Variants in CDH4 observed in about 807,000 individuals in gnomAD.
CDH4 encodes the protein cadherin-4.
In CDH4, 33 loss-of-function variants were observed where a neutral mutation model predicts 86.0. The observed-to-expected ratio is 0.38, with a 90% CI of 0.29 to 0.51. CDH4 has a LOEUF of 0.51. CDH4 is among the 20% of genes least tolerant of loss of function. CDH4 has a pLI of 0.86. For missense variants in CDH4, 1,114 were observed against 1,307.4 expected (o/e 0.85, Z 2.28); for synonymous variants, 555 against 549.4 (o/e 1.01, Z -0.14).
chr20:61,531,849 G>A (rs368962856), intron 2 of CDH4, among the ~76,000 whole-genome samples: 8 of 152,232 alleles, frequency 5.3e-5, no homozygotes, highest in African/African-American at 1.4e-4. Flanking sequence ...GACCAACACC[G>A]GTTGGGGAAG....
intron 2 of CDH4, 91 bp downstream of exon 2, chr20:61,255,028 C>T: frequency 1.3e-6 from 1 of 789,344 alleles, no homozygotes; most frequent in Non-Finnish European, 2.2e-6. Context: ...CTTGCCTCAT[C>T]TTTGTGCTCT....
chr20:61,279,884 T>C (rs1344928661), intron 2 of CDH4, among the ~76,000 whole-genome samples: 1 of 152,188 alleles, frequency 6.6e-6, no homozygotes, highest in Non-Finnish European at 1.5e-5. Flanking sequence ...TCTGTGAGCC[T>C]GCCCTGCTTG....
At chr20:61,453,391 G>C (rs2085390634) in intron 2 of CDH4, among the ~76,000 whole-genome samples, 1 of 152,202 alleles carries the variant, frequency 6.6e-6, no homozygotes, top group African/African-American at 2.4e-5. Context: ...GGGTTCGCAT[G>C]TGTGGAATCC....
At chr20:61,511,725 G>GAGAGC (rs1430686980) in intron 2 of CDH4, among the ~76,000 whole-genome samples, 1 of 152,240 alleles carries the variant, frequency 6.6e-6, no homozygotes, top group African/African-American at 2.4e-5. Context: ...AGAGGTTTAA[G>GAGAGC]AGAGCTTGGA....
intron 4 of CDH4, among the ~76,000 whole-genome samples, chr20:61,792,811 C>T (rs1393018062): frequency 3.3e-5 from 5 of 151,940 alleles, no homozygotes; most frequent in East Asian, 1.9e-4. Context: ...TCACCACACC[C>T]GGCTAATTTT....
Position 61,252,628 on chromosome 20 carries a change from C to G in CDH4, c.57+58C>G, listed in dbSNP as rs921873824. The G allele has an allele frequency of 9.4e-7, 1 of 1,068,926 alleles. No homozygotes were observed. The highest frequency in any genetic ancestry group is 1.2e-6 in the Non-Finnish European group (1 of 849,860). 66.2% of individuals were successfully genotyped at this position (1,068,926 alleles called of 1,614,324 possible). ...AAGCCCCGGGCAGCGGGAGGTCGTC[C>G]CCGGATCCCGCGGGGCGCTCACACA... On this transcript the variant is annotated intron_variant, in intron 1 of 15. Transcript: ENST00000614565. The surrounding 1 kb of genome is among the most constrained non-coding windows in gnomAD (Gnocchi z 4.4).
At position 61,938,376 on chromosome 20, in the gene CDH4, G is replaced by A. The variant is rs940831666; in HGVS notation, c.*1433G>A. ...CTCACTGCATGAGAAAACTCAGAGG[G>A]TGCATTCTCCCTCTGGCATGGCTGT... On this transcript the variant is annotated 3_prime_UTR_variant, in exon 16 of 16. Transcript: ENST00000614565. 1 of 152,394 alleles carries A rather than the reference G, an allele frequency of 6.6e-6. No individual in the cohort carries two copies. Among genetic ancestry groups the A allele is most frequent in the Non-Finnish European group, 1.5e-5 (1 of 68,162 alleles). The allele number at this position is 152,394 out of a possible 1,614,324, so 9.4% of individuals were successfully genotyped here. A position where few individuals can be genotyped will look rare whatever the true frequency, so the allele number is the denominator to read the frequency against.
chr20:61,656,510 A>G (rs1325467177), intron 2 of CDH4, among the ~76,000 whole-genome samples: 1 of 152,080 alleles, frequency 6.6e-6, no homozygotes, highest in East Asian at 1.9e-4. Context: ...GGACAGGTGC[A>G]TGGCCAGTGT....
chr20:61,633,891 T>C (rs139916199), intron 2 of CDH4, among the ~76,000 whole-genome samples: 1 of 152,284 alleles, frequency 6.6e-6, no homozygotes, highest in East Asian at 1.9e-4. Flanking sequence ...ATCTAATTGC[T>C]CTCAGAAACA....
intron 2 of CDH4, among the ~76,000 whole-genome samples, chr20:61,419,554 C>T (rs1351186598): frequency 6.6e-6 from 1 of 152,152 alleles, no homozygotes; most frequent in East Asian, 1.9e-4. Context: ...GTTTGGCTTC[C>T]AGGCCAGCCA....
At chr20:61,426,676 C>T (rs900992668) in intron 2 of CDH4, among the ~76,000 whole-genome samples, 2 of 152,204 alleles carry the variant, frequency 1.3e-5, no homozygotes, top group African/African-American at 2.4e-5. Flanking sequence ...TTTGAGATTG[C>T]AGCATTGCCT....
intron 4 of CDH4, among the ~76,000 whole-genome samples, chr20:61,802,716 G>GGGCCGGGC (rs1979894747): frequency 6.6e-6 from 1 of 152,210 alleles, no homozygotes; most frequent in African/African-American, 2.4e-5. Context: ...CCCAGCCTGG[G>GGGCCGGGC]GGCCGGGCAG....
At chr20:61,928,145 G>T (rs1389913690) in intron 11 of CDH4, 45 bp from the exon 12 acceptor site, 1 of 1,470,738 alleles carries the variant, frequency 6.8e-7, no homozygotes, top group African/African-American at 1.4e-5. Flanking sequence ...GTTGGTCATG[G>T]AGTACCAGGA....
intron 4 of CDH4, among the ~76,000 whole-genome samples, chr20:61,827,255 C>A (rs773382924): frequency 2.0e-5 from 3 of 152,078 alleles, no homozygotes; most frequent in African/African-American, 7.2e-5. Context: ...ATTGCTACAC[C>A]GGTGGGAATT....
intron 2 of CDH4, among the ~76,000 whole-genome samples, chr20:61,320,447 G>A (rs2084501887): frequency 2.0e-5 from 3 of 152,088 alleles, no homozygotes. Context: ...TGTCGGTGGG[G>A]TTGGGTTGGC....
chr20:61,318,084 C>T (rs1319907957), intron 2 of CDH4, among the ~76,000 whole-genome samples: 1 of 152,084 alleles, frequency 6.6e-6, no homozygotes, highest in Non-Finnish European at 1.5e-5. Context: ...TGGAGGGACA[C>T]TTTTCACCTG....
intron 2 of CDH4, among the ~76,000 whole-genome samples, chr20:61,472,094 G>A (rs2085507218): frequency 6.6e-6 from 1 of 152,216 alleles, no homozygotes; most frequent in Non-Finnish European, 1.5e-5. Flanking sequence ...AATGCTGAAA[G>A]TGGGCTGTTG....
At chr20:61,341,322 G>A (rs2084648147) in intron 2 of CDH4, among the ~76,000 whole-genome samples, 2 of 152,184 alleles carry the variant, frequency 1.3e-5, no homozygotes, top group African/African-American at 4.8e-5. Context: ...AGAAATGGTT[G>A]TCATTGTCAT....
rs111716393 is a variant in CDH4, at chr20:61,492,369, A to G, written c.169+237432A>G. On this transcript the variant is annotated intron_variant, in intron 2 of 15. Coordinates refer to ENST00000614565, the MANE Select transcript of CDH4 (RefSeq NM_001794.5). ...TGTTGATGGTGGTGGTGTTGATGTA[A>G]GTGGTGTCAATATTGTTGATGTTAG... Among the ~76,000 whole-genome samples, 964 of 139,128 alleles carry G rather than the reference A, an allele frequency of 6.9e-3. 9 individuals carry two copies. The highest frequency in any genetic ancestry group is 0.025 in the African/African-American group (927 of 36,802). The allele number at this position is 139,128 out of a possible 152,430, so 91.3% of individuals were successfully genotyped here.
Sources: gnomAD v4.1 joint callset for allele counts (sites outside exome capture counted in the v4.1 genomes callset) on GRCh38, gnomAD v4.1.1 for gene constraint, Gnocchi (gnomAD v3.1) non-coding constraint, MANE v1.5 for transcripts, NCBI Gene and HGNC (gene_info 2026-07-23, HGNC 2026-07-21) for gene names.